Variants in GALNT13 observed in about 807,000 individuals in gnomAD.
GALNT13 encodes the protein UDP-GalNAc:polypeptide N-acetylgalactosaminyltransferase 13.
Under a neutral mutation model 64.2 loss-of-function variants are expected in GALNT13, and 28 were observed. The ratio of observed to expected loss-of-function variants is 0.44; its 90% CI spans 0.32 to 0.60. GALNT13 has a LOEUF of 0.60. Ranked by LOEUF, GALNT13 falls within the 20% of genes least tolerant of loss-of-function variation. GALNT13 has a pLI of 0.05. For missense variants in GALNT13, 577 were observed against 669.8 expected, an observed-to-expected ratio of 0.86 and a Z score of 1.53; for synonymous variants, 214 against 224.6, an observed-to-expected ratio of 0.95 and a Z score of 0.42.
the GALNT13 span, among the ~76,000 whole-genome samples, chr2:153,803,569 G>A: frequency 4.0e-5 from 6 of 151,872 alleles, no homozygotes; most frequent in Admixed American, 6.6e-5. Flanking sequence ...GCGGGCGCCT[G>A]TAGTCCCAGC....
At chr2:153,406,530 C>A in the GALNT13 span, among the ~76,000 whole-genome samples, 5 of 152,018 alleles carry the variant, frequency 3.3e-5, no homozygotes, top group Non-Finnish European at 7.4e-5. Context: ...GCCTCAGTCA[C>A]CTGAGTAGCT....
chr2:153,955,182 T>C (rs747487804), intron 3 of GALNT13, among the ~76,000 whole-genome samples: 22 of 152,138 alleles, frequency 1.4e-4, no homozygotes, highest in Non-Finnish European at 2.4e-4. Context: ...AGTTAAAAAT[T>C]GAAAGCAATA....
chr2:154,421,210 T>C (rs1434155756), intron 11 of GALNT13, among the ~76,000 whole-genome samples: 4 of 152,110 alleles, frequency 2.6e-5, no homozygotes, highest in Non-Finnish European at 4.4e-5. Context: ...ATATTTGATA[T>C]ATTTTATAGC....
the GALNT13 span, among the ~76,000 whole-genome samples, chr2:153,732,351 A>G: frequency 1.7e-3 from 252 of 152,096 alleles, 1 homozygote; most frequent in Non-Finnish European, 2.5e-3. Context: ...ATTCGTGAGC[A>G]TGTGAGTGTA....
chr2:153,834,035 C>T, the GALNT13 span, among the ~76,000 whole-genome samples: 2 of 152,032 alleles, frequency 1.3e-5, no homozygotes, highest in Non-Finnish European at 2.9e-5. Context: ...GTGATTTAGG[C>T]ATACTCAATT....
chr2:153,435,997 G>A, the GALNT13 span, among the ~76,000 whole-genome samples: 41 of 152,236 alleles, frequency 2.7e-4, no homozygotes, highest in Admixed American at 1.0e-3. Context: ...TTTGAGATAC[G>A]TGCCATCAAT....
chr2:153,953,557 T>G (rs892713649), intron 3 of GALNT13, among the ~76,000 whole-genome samples: 2 of 152,182 alleles, frequency 1.3e-5, no homozygotes, highest in African/African-American at 4.8e-5. Flanking sequence ...CACAAAATGA[T>G]TCTGTCATCA....
chr2:154,024,909 A>G (rs961063295), intron 3 of GALNT13, among the ~76,000 whole-genome samples: 16 of 152,058 alleles, frequency 1.1e-4, no homozygotes, highest in African/African-American at 3.9e-4. Context: ...TTTCCTTCTA[A>G]CAGACAGGAC....
the GALNT13 span, among the ~76,000 whole-genome samples, chr2:153,197,630 A>AT: frequency 2.0e-5 from 3 of 152,228 alleles, no homozygotes; most frequent in African/African-American, 4.8e-5. Flanking sequence ...ACCAACACCC[A>AT]TGCCCCAGGC....
At chr2:153,511,111 T>C in the GALNT13 span, among the ~76,000 whole-genome samples, 1 of 151,568 alleles carries the variant, frequency 6.6e-6, no homozygotes, top group Non-Finnish European at 1.5e-5. Context: ...GGATGTGGAG[T>C]TGGAGGAGGA....
At chr2:153,651,017 C>T in the GALNT13 span, among the ~76,000 whole-genome samples, 37 of 152,158 alleles carry the variant, frequency 2.4e-4, 1 homozygote, top group South Asian at 4.4e-3. Flanking sequence ...GAAAATTTCG[C>T]AGACCAATGG....
the GALNT13 span, among the ~76,000 whole-genome samples, chr2:153,572,168 T>C: frequency 6.6e-6 from 1 of 151,782 alleles, no homozygotes; most frequent in African/African-American, 2.4e-5. Flanking sequence ...TGGTTCAATC[T>C]TTCTGGTTGT....
At chr2:153,766,246 T>G in the GALNT13 span, among the ~76,000 whole-genome samples, 1 of 152,164 alleles carries the variant, frequency 6.6e-6, no homozygotes, top group Non-Finnish European at 1.5e-5. Flanking sequence ...TGGGACTGTT[T>G]TCTATGTGAT....
the GALNT13 span, among the ~76,000 whole-genome samples, chr2:153,412,262 G>A: frequency 1.3e-5 from 2 of 152,124 alleles, no homozygotes; most frequent in Non-Finnish European, 2.9e-5. Flanking sequence ...TGAAAAAAAA[G>A]CTTGGGTTTT....
intron 7 of GALNT13, among the ~76,000 whole-genome samples, chr2:154,251,812 T>G (rs1365261071): frequency 2.6e-5 from 4 of 152,176 alleles, no homozygotes; most frequent in Non-Finnish European, 5.9e-5. Context: ...CTGCTTTCTA[T>G]TTTGGTTATA....
At chr2:153,468,745 T>C in the GALNT13 span, among the ~76,000 whole-genome samples, 1 of 152,082 alleles carries the variant, frequency 6.6e-6, no homozygotes, top group Non-Finnish European at 1.5e-5. Context: ...ATATCAAAAA[T>C]CTTAAATATT....
the GALNT13 span, among the ~76,000 whole-genome samples, chr2:153,195,041 C>T: frequency 6.6e-6 from 1 of 152,058 alleles, no homozygotes; most frequent in Non-Finnish European, 1.5e-5. Context: ...TTTAGATGGG[C>T]AGTTTCTTGG....
chr2:153,666,134 C>T, the GALNT13 span, among the ~76,000 whole-genome samples: 1 of 152,040 alleles, frequency 6.6e-6, no homozygotes, highest in East Asian at 1.9e-4. Flanking sequence ...CAGGGTGCTT[C>T]TCAGTGGCCA....
chr2:154,325,624 A>G (rs1694837208), intron 9 of GALNT13, among the ~76,000 whole-genome samples: 1 of 151,822 alleles, frequency 6.6e-6, no homozygotes, highest in Non-Finnish European at 1.5e-5. Flanking sequence ...ATTATTGTGG[A>G]TACATAATAA....
Sources: gnomAD v4.1 joint callset for allele counts (sites outside exome capture counted in the v4.1 genomes callset) on GRCh38, gnomAD v4.1.1 for gene constraint, MANE v1.5 for transcripts, NCBI Gene and HGNC (gene_info 2026-07-23, HGNC 2026-07-21) for gene names.